MAP3K10: variants seen among roughly 807,000 people sequenced by gnomAD.
MAP3K10 encodes the protein MKN28 derived nonreceptor_type serine/threonine kinase.
In MAP3K10, 22 loss-of-function variants were observed where a neutral mutation model predicts 75.0. The observed-to-expected ratio is 0.29, with a 90% CI of 0.21 to 0.42. The LOEUF (loss-of-function observed/expected upper bound fraction) is 0.42. Among genes scored for constraint, MAP3K10 ranks in the 10% least tolerant of loss-of-function variants. MAP3K10 has a pLI of 1.00. For synonymous variants in MAP3K10, 599 were observed against 612.9 expected (o/e 0.98, Z 0.34); for missense variants, 1,165 against 1,379.8 (o/e 0.84, Z 2.47).
At chr19:40,208,949 G>A (rs1487132744) in intron 5 of MAP3K10, among the ~76,000 whole-genome samples, 154 bp from the exon 6 acceptor site, 1 of 152,172 alleles carries the variant, frequency 6.6e-6, no homozygotes, top group Non-Finnish European at 1.5e-5. Flanking sequence ...TGATGCTGCT[G>A]TTCTGGGGCC....
rs1342569683 is a variant in MAP3K10, at chr19:40,192,017, C to T, written c.-15C>T. On this transcript the variant is annotated 5_prime_UTR_variant, in exon 1 of 10. Coordinates refer to ENST00000253055, the MANE Select transcript of MAP3K10 (RefSeq NM_002446.4). This position sits in a 1 kb window ranked among gnomAD's most constrained non-coding sequence, Gnocchi z 7.1. Reference sequence around the variant, plus strand: ...CTGTGTGAAGCGGCCTCCCGCAGCCCCCGGCCCCTCCCCCATGGAGGAGGA... The same window carrying T: ...CTGTGTGAAGCGGCCTCCCGCAGCCTCCGGCCCCTCCCCCATGGAGGAGGA... The T allele has an allele frequency of 2.1e-6, 3 of 1,405,864 alleles. No homozygotes were observed. The highest frequency in any genetic ancestry group is 1.5e-5 in the African/African-American group (1 of 65,694). The allele number at this position is 1,405,864 out of a possible 1,614,324, so 87.1% of individuals were successfully genotyped here. A position where few individuals can be genotyped will look rare whatever the true frequency, so the allele number is the denominator to read the frequency against.
At position 40,213,212 on chromosome 19, in the gene MAP3K10, G is replaced by A; in HGVS notation, c.1837+24G>A. The A allele has an allele frequency of 6.5e-7, 1 of 1,539,822 alleles. No homozygotes were observed. Among genetic ancestry groups the A allele is most frequent in the African/African-American group, 1.4e-5 (1 of 73,110 alleles). Reference sequence around the variant, plus strand: ...GGGTAAGAGCCTGGGTTCTTGTAAGGGGGTGGGGGTTCCCTGGCCAAAGGG... The same window carrying A: ...GGGTAAGAGCCTGGGTTCTTGTAAGAGGGTGGGGGTTCCCTGGCCAAAGGG... On this transcript the variant is annotated intron_variant, in intron 8 of 9. Coordinates refer to ENST00000253055, the MANE Select transcript of MAP3K10 (RefSeq NM_002446.4). This position sits in a 1 kb window ranked among gnomAD's most constrained non-coding sequence, Gnocchi z 5.7.
intron 1 of MAP3K10, among the ~76,000 whole-genome samples, chr19:40,194,253 C>G (rs1472412708): frequency 6.6e-6 from 1 of 152,018 alleles, no homozygotes; most frequent in Non-Finnish European, 1.5e-5. Context: ...CCCAGCTACT[C>G]AGGCTGAGGC....
In MAP3K10 at chr19:40,192,455, G is replaced by C. The variant is rs1247326791; in HGVS notation, c.424G>C (p.Val142Leu). 1.2e-6 allele frequency: 2 copies of C among 1,613,928 alleles called. No individual in the cohort carries two copies. The highest frequency in any genetic ancestry group is 1.7e-6 in the Non-Finnish European group (2 of 1,180,004). The change falls in exon 1 of 10, where the codon GTG becomes CTG. Residue 142 changes from valine (V) to leucine (L), a missense_variant. By Grantham distance (32) the Val-to-Leu change is conservative (BLOSUM62 1). Around this residue, in one of 2 missense-constraint regions of MAP3K10, gnomAD observed 575 missense variants for 793.2 expected, o/e 0.72. Coordinates refer to ENST00000253055, the MANE Select transcript of MAP3K10 (RefSeq NM_002446.4). The surrounding 1 kb of genome is among the most constrained non-coding windows in gnomAD (Gnocchi z 7.1). The stretch of plus-strand genomic sequence containing the variant: ...GGACCCGGCAGTGACAGCGGAGCAG[G>C]TGTGCCAGGAAGCCCGGCTCTTTGG... The part of the protein sequence containing the change: ...EKDPAVTAEQ[V>L]CQEARLFGAL...
chr19:40,211,398 G>C (rs531124507), intron 6 of MAP3K10, among the ~76,000 whole-genome samples: 27 of 151,066 alleles, frequency 1.8e-4, no homozygotes, highest in South Asian at 4.2e-4. Flanking sequence ...TTAGTTCTGG[G>C]GTACGTGTGC....
At chr19:40,208,454 C>T (rs1291454681) in intron 5 of MAP3K10, among the ~76,000 whole-genome samples, 2 of 148,610 alleles carry the variant, frequency 1.3e-5, no homozygotes, top group Non-Finnish European at 3.0e-5. Flanking sequence ...CCTCGGCCTC[C>T]CAAAGTGCTG....
chr19:40,203,519 G>A (rs1219252288), intron 2 of MAP3K10, among the ~76,000 whole-genome samples: 1 of 152,206 alleles, frequency 6.6e-6, no homozygotes, highest in Non-Finnish European at 1.5e-5. Context: ...TGGAGCCACT[G>A]AGAGCACTGT....
Position 40,204,878 on chromosome 19 carries a change from C to T in MAP3K10, c.1013-243C>T. 2 of 620,360 alleles carry T rather than the reference C, an allele frequency of 3.2e-6. No individual in the cohort carries two copies. The highest frequency in any genetic ancestry group is 5.5e-5 in the East Asian group (2 of 36,220). The allele number at this position is 620,360 out of a possible 1,614,324, so 38.4% of individuals were successfully genotyped here. A position where few individuals can be genotyped will look rare whatever the true frequency, so the allele number is the denominator to read the frequency against. ...TTAGGATTCCTTGGCCCTGGGATTCCACCTTGATCCTGATTCCACTACCAG... is the reference window on the plus strand; with the variant it reads ...TTAGGATTCCTTGGCCCTGGGATTCTACCTTGATCCTGATTCCACTACCAG... On this transcript the variant is annotated intron_variant, in intron 3 of 9. Coordinates refer to ENST00000253055, the MANE Select transcript of MAP3K10 (RefSeq NM_002446.4). This position sits in a 1 kb window ranked among gnomAD's most constrained non-coding sequence, Gnocchi z 4.3.
At chr19:40,201,876 T>G (rs1275568787) in intron 2 of MAP3K10, among the ~76,000 whole-genome samples, 1 of 150,544 alleles carries the variant, frequency 6.6e-6, no homozygotes, top group East Asian at 2.0e-4. Flanking sequence ...GGTATACATG[T>G]GCCATGGTAG....
At chr19:40,210,446 A>AT (rs1355527458) in intron 6 of MAP3K10, among the ~76,000 whole-genome samples, 26 of 152,298 alleles carry the variant, frequency 1.7e-4, no homozygotes, top group African/African-American at 4.6e-4. Flanking sequence ...CACGCCTGTA[A>AT]TCCCAACACT....
chr19:40,195,456 T>G (rs1182731482), intron 1 of MAP3K10, among the ~76,000 whole-genome samples: 2 of 137,766 alleles, frequency 1.5e-5, no homozygotes, highest in Admixed American at 8.3e-5. Context: ...GAGGTAACAC[T>G]GAAGCCCGCC....
Position 40,192,841 on chromosome 19 carries a change from A to G in MAP3K10, c.682+128A>G, listed in dbSNP as rs1972844982. On this transcript the variant is annotated intron_variant, in intron 1 of 9. Transcript: ENST00000253055. This position sits in a 1 kb window ranked among gnomAD's most constrained non-coding sequence, Gnocchi z 7.1. Reference sequence around the variant, plus strand: ...GAGTGAGAAGGGGCAGCAGTATGATACCTTCAGGGTGAAGGTGAGGTAGGC... The same window carrying G: ...GAGTGAGAAGGGGCAGCAGTATGATGCCTTCAGGGTGAAGGTGAGGTAGGC... 2 of 746,202 alleles carry G rather than the reference A, an allele frequency of 2.7e-6. No individual in the cohort carries two copies. Among genetic ancestry groups the G allele is most frequent in the Non-Finnish European group, 4.1e-6 (2 of 485,590 alleles). The allele number at this position is 746,202 out of a possible 1,614,324, so 46.2% of individuals were successfully genotyped here.
At position 40,191,516 on chromosome 19, in the gene MAP3K10, G is replaced by T. The variant is rs1414225493; in HGVS notation, c.-516G>T. Among the ~76,000 whole-genome samples the T allele has an allele frequency of 1.3e-5, 2 of 149,894 alleles. No homozygotes were observed. Among genetic ancestry groups the T allele is most frequent in the African/African-American group, 4.9e-5 (2 of 41,152 alleles). On this transcript the variant is annotated 5_prime_UTR_variant, in exon 1 of 10. Transcript: ENST00000253055. ...CGGGAGGCCGGTGCCAAGGATGGGG[G>T]CCGCCCGGCTGCCCCGCGCGTGAGG...
At position 40,213,507 on chromosome 19, in the gene MAP3K10, C is replaced by A; in HGVS notation, c.1838-10C>A. On this transcript the variant is annotated splice_polypyrimidine_tract_variant and intron_variant, in intron 8 of 9. Transcript: ENST00000253055. This position sits in a 1 kb window ranked among gnomAD's most constrained non-coding sequence, Gnocchi z 5.7. Reference sequence around the variant, plus strand: ...CCCTGCAGCGGAGTGATGGCCCTCTCCGGTTGCAGAGGAGTTCGCGGAGGC... The same window carrying A: ...CCCTGCAGCGGAGTGATGGCCCTCTACGGTTGCAGAGGAGTTCGCGGAGGC... 6.2e-7 allele frequency: 1 copy of A among 1,610,984 alleles called. No individual in the cohort carries two copies.
chr19:40,213,155 A>T lies in MAP3K10; in HGVS notation c.1804A>T (p.Ile602Phe). The change falls in exon 8 of 10, where the codon ATC (isoleucine) becomes TTC (phenylalanine). Residue 602 changes from isoleucine (I) to phenylalanine (F), a missense_variant. By Grantham distance (21) the Ile-to-Phe change is conservative. Around this residue, in one of 2 missense-constraint regions of MAP3K10, gnomAD observed 590 missense variants for 586.6 expected, o/e 1.01. Transcript: ENST00000253055. This position sits in a 1 kb window ranked among gnomAD's most constrained non-coding sequence, Gnocchi z 5.7. The stretch of plus-strand genomic sequence containing the variant: ...GGGCAAGTCCCCCAAACACACACCC[A>T]TCGCCCCTGGCTTTGCCAGCCTCAA... ...NLGKSPKHTP[I>F]APGFASLNEM... 6.3e-7 allele frequency: 1 copy of T among 1,595,388 alleles called. No homozygotes were observed. The highest frequency in any genetic ancestry group is 8.5e-7 in the Non-Finnish European group (1 of 1,172,126).
Position 40,192,850 on chromosome 19 carries a change from G to A in MAP3K10, c.682+137G>A, listed in dbSNP as rs538124725. 1.9e-4 allele frequency: 136 copies of A among 708,658 alleles called. No individual in the cohort carries two copies. Among genetic ancestry groups the A allele is most frequent in the Middle Eastern group, 1.3e-3 (4 of 3,092 alleles). The allele number at this position is 708,658 out of a possible 1,614,324, so 43.9% of individuals were successfully genotyped here. ...GGGGCAGCAGTATGATACCTTCAGG[G>A]TGAAGGTGAGGTAGGCCTTGCCTGC... On this transcript the variant is annotated intron_variant, in intron 1 of 9. Transcript: ENST00000253055. The surrounding 1 kb of genome is among the most constrained non-coding windows in gnomAD (Gnocchi z 7.1).
Position 40,213,988 on chromosome 19 carries a change from C to T in MAP3K10, c.2309C>T (p.Ala770Val), listed in dbSNP as rs1336982719. The T allele has an allele frequency of 6.5e-7, 1 of 1,529,366 alleles. No homozygotes were observed. Among genetic ancestry groups the T allele is most frequent in the East Asian group, 2.5e-5 (1 of 39,768 alleles). The allele number at this position is 1,529,366 out of a possible 1,614,324, so 94.7% of individuals were successfully genotyped here. The change falls in exon 9 of 10, where the codon GCA (alanine) becomes GTA (valine). Residue 770 changes from alanine to valine, a missense_variant. Physicochemically the swap from Ala to Val is moderately conservative, Grantham distance 64. This residue lies in a region of MAP3K10 where 590 missense variants were observed against 586.6 expected (regional missense o/e 1.01). Coordinates refer to ENST00000253055, the MANE Select transcript of MAP3K10 (RefSeq NM_002446.4). This position sits in a 1 kb window ranked among gnomAD's most constrained non-coding sequence, Gnocchi z 5.7. The part of the protein sequence containing the change: ...SLLRSDSDEA[A>V]PAAPSPPPSP... ...CTGCGCTCTGACAGTGACGAGGCCG[C>T]ACCGGCCGCGCCCTCCCCACCACCC...
At chr19:40,199,552 G>A (rs1198782953) in intron 2 of MAP3K10, among the ~76,000 whole-genome samples, 4 of 152,184 alleles carry the variant, frequency 2.6e-5, no homozygotes, top group Non-Finnish European at 5.9e-5. Flanking sequence ...CCCAGAAACA[G>A]CAAAGAGGCC....
At chr19:40,209,048 C>T (rs1002547885) in intron 5 of MAP3K10, 55 bp from the exon 6 acceptor site, 2 of 1,303,598 alleles carry the variant, frequency 1.5e-6, no homozygotes, top group African/African-American at 1.5e-5. Flanking sequence ...AAGAAAATTC[C>T]CTTTGGTAAT....
Sources: gnomAD v4.1 joint callset for allele counts (sites outside exome capture counted in the v4.1 genomes callset) on GRCh38, gnomAD v4.1.1 for gene constraint, gnomAD v4.1.1 regional missense constraint, Gnocchi (gnomAD v3.1) non-coding constraint, MANE v1.5 for transcripts, NCBI Gene and HGNC (gene_info 2026-07-23, HGNC 2026-07-21) for gene names.